The following NCLN variants were observed in gnomAD, a reference collection of about 807,000 sequenced individuals.
NCLN encodes nicalin.
NCLN carries 34 observed loss-of-function variants against 69.5 expected under a neutral mutation model. That is an observed-to-expected ratio of 0.49 (90% CI 0.37 to 0.65). The LOEUF (loss-of-function observed/expected upper bound fraction) is 0.65. Ranked by LOEUF, NCLN falls within the 30% of genes least tolerant of loss-of-function variation. NCLN has a pLI of 0.00. For missense variants in NCLN, 710 were observed against 804.8 expected, an observed-to-expected ratio of 0.88 and a Z score of 1.42; for synonymous variants, 393 against 358.3, an observed-to-expected ratio of 1.10 and a Z score of -1.09.
At chr19:3,186,325 G>T in intron 1 of NCLN, 111 bp downstream of exon 1, 1 of 1,228,596 alleles carries the variant, frequency 8.1e-7, no homozygotes, top group Admixed American at 4.0e-5. Context: ...CCCGACCCAT[G>T]CTCAGGCCCC....
intron 1 of NCLN, among the ~76,000 whole-genome samples, chr19:3,191,517 C>T (rs1915826831): frequency 6.6e-6 from 1 of 152,184 alleles, no homozygotes; most frequent in South Asian, 2.1e-4. Flanking sequence ...TAGGGTGGTC[C>T]TAGAGCAGGC....
chr19:3,199,179 GCT>G lies in NCLN; in HGVS notation c.696+283_696+284del, dbSNP rs1378210575. ...CTGAGTCAGGGTTCCCCGGGCCAGC[GCT>G]GGGTGCCGTGGCTCCACACGAGGCC... On this transcript the variant is annotated intron_variant, in intron 5 of 14. Transcript: ENST00000246117. 5.3e-5 allele frequency among the ~76,000 whole-genome samples: 8 copies of G among 152,358 alleles called. No individual in the cohort carries two copies. In the East Asian group the frequency reaches 1.2e-3, roughly 22 times the overall value.
At position 3,198,916 on chromosome 19, in the gene NCLN, A is replaced by C. The variant is rs1429065737; in HGVS notation, c.696+19A>C. ...GGCCCCCGTACGTATGTGTGTCCCC[A>C]TTCCCCCCACCCCACAGGGCTTGGA... is the stretch of plus-strand genomic sequence containing the variant. On this transcript the variant is annotated intron_variant, in intron 5 of 14. Coordinates refer to ENST00000246117, the MANE Select transcript of NCLN (RefSeq NM_020170.4). 7.0e-7 allele frequency: 1 copy of C among 1,429,516 alleles called. No homozygotes were observed. Among genetic ancestry groups the C allele is most frequent in the Non-Finnish European group, 9.3e-7 (1 of 1,077,662 alleles). 88.6% of individuals were successfully genotyped at this position (1,429,516 alleles called of 1,614,324 possible). A position where few individuals can be genotyped will look rare whatever the true frequency, so the allele number is the denominator to read the frequency against.
intron 3 of NCLN, 60 bp from the exon 4 acceptor site, chr19:3,196,123 A>ACGCCCCC: frequency 7.7e-7 from 1 of 1,292,524 alleles, no homozygotes; most frequent in Admixed American, 2.3e-5. Flanking sequence ...AGTGCTGGGG[A>ACGCCCCC]TGCCCCCTGG....
intron 6 of NCLN, among the ~76,000 whole-genome samples, chr19:3,202,128 C>T (rs866425836): frequency 3.3e-5 from 5 of 152,186 alleles, no homozygotes; most frequent in South Asian, 2.1e-4. Flanking sequence ...GGGAATTCCA[C>T]GGGCCCCCGA....
At position 3,208,906 on chromosome 19, in the gene NCLN, G is replaced by C. The variant is rs1366081224; in HGVS notation, c.*1218G>C. On this transcript the variant is annotated 3_prime_UTR_variant, in exon 15 of 15. Coordinates refer to ENST00000246117, the MANE Select transcript of NCLN (RefSeq NM_020170.4). The stretch of plus-strand genomic sequence containing the variant: ...CAGACCAGGCGTCGTGTGTGTGTGG[G>C]AGAGAAGGAGGCCCGTGTTGAGCTC... 3.3e-5 allele frequency: 5 copies of C among 152,476 alleles called. No homozygotes were observed. In the East Asian group the frequency reaches 9.6e-4, roughly 29 times the overall value. The allele number at this position is 152,476 out of a possible 1,614,324, so 9.4% of individuals were successfully genotyped here. A position where few individuals can be genotyped will look rare whatever the true frequency, so the allele number is the denominator to read the frequency against.
intron 2 of NCLN, among the ~76,000 whole-genome samples, chr19:3,193,017 C>G (rs1599350435): frequency 7.3e-6 from 1 of 137,014 alleles, no homozygotes; most frequent in Admixed American, 8.6e-5. Context: ...TAGAATCCAG[C>G]AGACGCCCTG....
At position 3,207,698 on chromosome 19, in the gene NCLN, C is replaced by T; in HGVS notation, c.*10C>T. On this transcript the variant is annotated 3_prime_UTR_variant, in exon 15 of 15. Coordinates refer to ENST00000246117, the MANE Select transcript of NCLN (RefSeq NM_020170.4). ...GGCCAAGACACAGTGACACAGCCAC[C>T]CCCACAGCCGGAGCCCCCGCCGCTC... 1.2e-6 allele frequency: 2 copies of T among 1,609,174 alleles called. No homozygotes were observed. The highest frequency in any genetic ancestry group is 1.7e-6 in the Non-Finnish European group (2 of 1,176,760).
Position 3,205,083 on chromosome 19 carries a change from G to A in NCLN, c.1208+332G>A, listed in dbSNP as rs1397715603. ...CAGCCCGAAAGTCCTGCCTGGCCCC[G>A]GCCACCGTCTTGGGGAGCCTGGCCC... On this transcript the variant is annotated intron_variant, in intron 9 of 14. Transcript: ENST00000246117. The surrounding 1 kb of genome is among the most constrained non-coding windows in gnomAD (Gnocchi z 4.6). Among the ~76,000 whole-genome samples the A allele has an allele frequency of 2.0e-5, 3 of 152,130 alleles. No homozygotes were observed. The highest frequency in any genetic ancestry group is 2.1e-4 in the South Asian group (1 of 4,828).
In NCLN at chr19:3,201,634, C is replaced by G. The variant is rs1178157938; in HGVS notation, c.800+8C>G. On this transcript the variant is annotated splice_region_variant and intron_variant, in intron 6 of 14. Transcript: ENST00000246117. Reference sequence around the variant, plus strand: ...CAAGCGCACGCACGCCGCGTGAGTGCCGGGGTGGGCAGGGGGATGGGGGTG... The same window carrying G: ...CAAGCGCACGCACGCCGCGTGAGTGGCGGGGTGGGCAGGGGGATGGGGGTG... 7 of 1,530,538 alleles carry G rather than the reference C, an allele frequency of 4.6e-6. No homozygotes were observed. Among genetic ancestry groups the G allele is most frequent in the African/African-American group, 1.4e-5 (1 of 73,010 alleles). 94.8% of individuals were successfully genotyped at this position (1,530,538 alleles called of 1,614,324 possible).
intron 4 of NCLN, 40 bp from the exon 5 acceptor site, chr19:3,198,777 C>G: frequency 6.5e-7 from 1 of 1,536,616 alleles, no homozygotes; most frequent in Non-Finnish European, 8.8e-7. Context: ...GTCACCTGCC[C>G]CAGGAACAGC....
intron 3 of NCLN, among the ~76,000 whole-genome samples, chr19:3,194,479 A>G (rs1055553755): frequency 2.0e-5 from 3 of 152,236 alleles, no homozygotes; most frequent in Non-Finnish European, 4.4e-5. Context: ...TTTGTTGATA[A>G]AGTTTTATTG....
At chr19:3,204,799 G>A (rs1472377508) in intron 9 of NCLN, 48 bp downstream of exon 9, 9 of 1,387,432 alleles carry the variant, frequency 6.5e-6, no homozygotes, top group South Asian at 1.6e-5. Flanking sequence ...TTTCCTGGGG[G>A]CTGAGCCACT....
At position 3,205,813 on chromosome 19, in the gene NCLN, T is replaced by C. The variant is rs200400234; in HGVS notation, c.1209-126T>C. The C allele has an allele frequency of 1.3e-3, 311 of 240,998 alleles. No homozygotes were observed. The highest frequency in any genetic ancestry group is 9.0e-3 in the African/African-American group (295 of 32,748). The allele number at this position is 240,998 out of a possible 1,614,324, so 14.9% of individuals were successfully genotyped here. Reference sequence around the variant, plus strand: ...GCCAAGTAGTTAAAGCTAAGCTTAATTTTTTTTTTTTTTTAAAGACAGAGT... The same window carrying C: ...GCCAAGTAGTTAAAGCTAAGCTTAACTTTTTTTTTTTTTTAAAGACAGAGT... On this transcript the variant is annotated intron_variant, in intron 9 of 14. Coordinates refer to ENST00000246117, the MANE Select transcript of NCLN (RefSeq NM_020170.4). The surrounding 1 kb of genome is among the most constrained non-coding windows in gnomAD (Gnocchi z 4.6).
In NCLN at chr19:3,201,984, C is replaced by T. The variant is rs1278632849; in HGVS notation, c.800+358C>T. Among the ~76,000 whole-genome samples, 5 of 152,142 alleles carry T rather than the reference C, an allele frequency of 3.3e-5. No homozygotes were observed. In the East Asian group the frequency reaches 5.8e-4, roughly 18 times the overall value. On this transcript the variant is annotated intron_variant, in intron 6 of 14. Coordinates refer to ENST00000246117, the MANE Select transcript of NCLN (RefSeq NM_020170.4). ...GGGGGCCGTCCTGGGCACTGCAGGG[C>T]GCTGAGCAGCATCCCTGCCCCACTC... is the stretch of plus-strand genomic sequence containing the variant.
At chr19:3,201,353 G>C (rs1361641849) in intron 5 of NCLN, among the ~76,000 whole-genome samples, 170 bp from the exon 6 acceptor site, 1 of 152,206 alleles carries the variant, frequency 6.6e-6, no homozygotes, top group African/African-American at 2.4e-5. Flanking sequence ...CGTGGCAGAG[G>C]GGCTGGGGGA....
chr19:3,189,476 ATTGT>A (rs774182103), intron 1 of NCLN, among the ~76,000 whole-genome samples: 17 of 152,122 alleles, frequency 1.1e-4, no homozygotes, highest in Non-Finnish European at 1.9e-4. Context: ...GAGCCCAGTG[ATTGT>A]GCCAGAGCCC....
chr19:3,189,879 C>G (rs576669010), intron 1 of NCLN, among the ~76,000 whole-genome samples: 1 of 152,174 alleles, frequency 6.6e-6, no homozygotes, highest in Non-Finnish European at 1.5e-5. Flanking sequence ...GGTGCTGACG[C>G]GAGGCGGGGC....
intron 3 of NCLN, among the ~76,000 whole-genome samples, chr19:3,193,869 C>CG (rs1303275513): frequency 3.3e-5 from 5 of 152,248 alleles, no homozygotes; most frequent in Non-Finnish European, 7.3e-5. Flanking sequence ...GCCCCGTGAA[C>CG]GGGGGCCCTG....
Sources: allele counts gnomAD v4.1 joint callset (sites outside exome capture counted in the v4.1 genomes callset), GRCh38; gene constraint gnomAD v4.1.1; non-coding constraint Gnocchi (gnomAD v3.1); transcripts MANE v1.5; gene names NCBI Gene and HGNC (gene_info 2026-07-23, HGNC 2026-07-21).